The following HEATR1 variants were observed in gnomAD, a reference collection of about 807,000 sequenced individuals.
HEATR1 encodes the protein HEAT repeat containing 1, also known as HEAT repeat-containing protein 1.
HEATR1 carries 77 observed loss-of-function variants against 248.2 expected under a neutral mutation model. The observed-to-expected ratio is 0.31, with a 90% CI of 0.26 to 0.37. The LOEUF (loss-of-function observed/expected upper bound fraction) is 0.37, where lower values mean the gene tolerates loss of function less well. Among genes scored for constraint, HEATR1 ranks in the 10% least tolerant of loss-of-function variants. HEATR1 has a pLI of 1.00. For synonymous variants in HEATR1, 897 were observed against 923.1 expected (o/e 0.97, Z 0.51); for missense variants, 2,420 against 2,504.9 (o/e 0.97, Z 0.72).
At chr1:236,567,744 A>G (rs1389930076) in intron 29 of HEATR1, among the ~76,000 whole-genome samples, 1 of 152,204 alleles carries the variant, frequency 6.6e-6, no homozygotes, top group Non-Finnish European at 1.5e-5. Flanking sequence ...GTGTGAAAAG[A>G]TAACAGGAGG....
At chr1:236,585,623 GA>G (rs567907652) in intron 16 of HEATR1, among the ~76,000 whole-genome samples, 196 bp downstream of exon 16, 1 of 151,986 alleles carries the variant, frequency 6.6e-6, no homozygotes, top group East Asian at 1.9e-4. Flanking sequence ...GATCCACATT[GA>G]AAAAATATAT....
intron 28 of HEATR1, 28 bp downstream of exon 28, chr1:236,571,323 G>A (rs775563095): frequency 6.4e-7 from 1 of 1,565,886 alleles, no homozygotes; most frequent in East Asian, 2.3e-5. Context: ...TGAAATATCT[G>A]CTAAAATCTT....
chr1:236,555,780 T>G (rs1469180073), intron 39 of HEATR1, 25 bp downstream of exon 39: 2 of 1,613,956 alleles, frequency 1.2e-6, no homozygotes, highest in East Asian at 2.2e-5. Context: ...AGCTTTAGGA[T>G]TTGGAGGAGT....
intron 44 of HEATR1, 73 bp downstream of exon 44, chr1:236,551,926 T>C (rs1662765286): frequency 1.0e-6 from 1 of 969,222 alleles, no homozygotes; most frequent in South Asian, 1.4e-5. Context: ...GCATTATCAT[T>C]GGGCACATTT....
chr1:236,555,292 C>T lies in HEATR1; in HGVS notation c.5923+4G>A, dbSNP rs1662933865. 5.6e-6 allele frequency: 9 copies of T among 1,613,788 alleles called. No homozygotes were observed. The highest frequency in any genetic ancestry group is 6.8e-6 in the Non-Finnish European group (8 of 1,179,802). On this transcript the variant is annotated splice_donor_region_variant and intron_variant, in intron 41 of 44. Transcript: ENST00000366582. ...GTGACAGCTGAACTGAAGCGACCAC[C>T]CACCTGTTTTGGAGATGTTCACCTG...
At position 236,574,790 on chromosome 1, in the gene HEATR1, C is replaced by T. The variant is rs1231698396; in HGVS notation, c.3198G>A (p.Lys1066=). ...AAAGGGAAACTGAAAATTCATTATA[C>T]TTTCCCAGAGTGAGATGCAGAACCA... The part of the protein sequence containing the change: ...EAMVLHLTLG[K]YNEFSVSLLN... The change falls in exon 23 of 45, where the codon AAG becomes AAA. Residue 1066 remains lysine, a synonymous_variant. Coordinates refer to ENST00000366582, the MANE Select transcript of HEATR1 (RefSeq NM_018072.6). 5 of 1,613,998 alleles carry T rather than the reference C, an allele frequency of 3.1e-6. No individual in the cohort carries two copies. The highest frequency in any genetic ancestry group is 4.2e-6 in the Non-Finnish European group (5 of 1,179,884).
rs1200224208 is a variant in HEATR1 at position 236,592,545 on chromosome 1, G to A, written c.1282C>T (p.Leu428Phe). The change falls in exon 10 of 45, where the codon CTC (leucine) becomes TTC (phenylalanine). Residue 428 changes from leucine (L) to phenylalanine (F), a missense_variant. Transcript: ENST00000366582. ...TACTTGCTTTCTAAAAGCCTAATGA[G>A]TGGAAGAAATTGTTCATTAAGCAAA... Reference protein sequence around the residue: ...VSLLNEQFLPLIRLLESKYPR... With the variant: ...VSLLNEQFLPFIRLLESKYPR... 6.9e-7 allele frequency: 1 copy of A among 1,459,782 alleles called. No individual in the cohort carries two copies. The allele number at this position is 1,459,782 out of a possible 1,614,324, so 90.4% of individuals were successfully genotyped here.
At chr1:236,584,704 C>T (rs758395680) in intron 17 of HEATR1, among the ~76,000 whole-genome samples, 11 of 152,272 alleles carry the variant, frequency 7.2e-5, no homozygotes, top group Middle Eastern at 3.4e-3. Flanking sequence ...AGCACTAACA[C>T]ACCAAGTGAA....
At chr1:236,592,423 GTC>G (rs1664062794) in intron 10 of HEATR1, 98 bp downstream of exon 10, 2 of 659,934 alleles carry the variant, frequency 3.0e-6, no homozygotes, top group Admixed American at 2.9e-5. Context: ...AAAAAGGACA[GTC>G]TCTGTACAAT....
In HEATR1 at chr1:236,570,206, A is replaced by G. The variant is rs2794777; in HGVS notation, c.3949-1082T>C. 2.8e-3 allele frequency among the ~76,000 whole-genome samples: 432 copies of G among 152,302 alleles called. 3 individuals are homozygous for G. Among genetic ancestry groups the G allele is most frequent in the East Asian group, 0.014 (71 of 5,182 alleles). ...CGGGAGGCGGAGGCAGGAGAATGGC[A>G]TGAACCCAAGAGGCAGAGCTTGCAG... On this transcript the variant is annotated intron_variant, in intron 28 of 44. Transcript: ENST00000366582.
Position 236,594,038 on chromosome 1 carries a change from C to T in HEATR1, c.1167G>A (p.Lys389=). Residue 389 remains lysine, a synonymous_variant, in exon 9 of 45, where the codon AAG becomes AAA. Transcript: ENST00000366582. ...TAGCCAACAAATGGTCTAAGTTGTT[C>T]TTCAGTGATATTTTTGTAAGTATAG... ...LEAILTKISL[K]NNLDHLLASL... 1.3e-6 allele frequency: 2 copies of T among 1,597,394 alleles called. No individual in the cohort carries two copies.
chr1:236,555,609 C>T lies in HEATR1; in HGVS notation c.5696G>A (p.Cys1899Tyr). 3 of 1,614,252 alleles carry T rather than the reference C, an allele frequency of 1.9e-6. No individual in the cohort carries two copies. The highest frequency in any genetic ancestry group is 2.5e-6 in the Non-Finnish European group (3 of 1,180,048). Residue 1899 changes from cysteine to tyrosine, a missense_variant, in exon 40 of 45, where the codon TGT (cysteine) becomes TAT (tyrosine). Coordinates refer to ENST00000366582, the MANE Select transcript of HEATR1 (RefSeq NM_018072.6). ...VGKTENCIID[C>Y]LVAMVVKLSE... ...AAGTTTGACAACCATGGCTACTAGA[C>T]AGTCAATGATACAATTTTCCGTTTT...
intron 8 of HEATR1, 23 bp from the exon 9 acceptor site, chr1:236,594,137 T>C (rs772677981): frequency 6.9e-7 from 1 of 1,452,050 alleles, no homozygotes; most frequent in African/African-American, 1.4e-5. Context: ...AAATTAAAAT[T>C]GTGTTGGGAA....
In HEATR1 at chr1:236,583,030, G is replaced by A; in HGVS notation, c.2408C>T (p.Pro803Leu). 6.2e-7 allele frequency: 1 copy of A among 1,613,936 alleles called. No individual in the cohort carries two copies. The highest frequency in any genetic ancestry group is 8.5e-7 in the Non-Finnish European group (1 of 1,179,946). Residue 803 changes from proline (P) to leucine (L), a missense_variant, in exon 18 of 45, where the codon CCT becomes CTT. Transcript: ENST00000366582. ...LKKFIYALKA[P>L]KSFPKGDIWW... ...TATCTTACCTTTAGGAAAAGATTTA[G>A]GAGCTTTCAGTGCATAAATAAATTT...
rs2103115867 is a variant in HEATR1 at position 236,549,457 on chromosome 1, G to A, written c.*1445C>T. On this transcript the variant is annotated 3_prime_UTR_variant, in exon 45 of 45. Transcript: ENST00000366582. The stretch of plus-strand genomic sequence containing the variant: ...TGGGGCAGAACTCTGCCAGGATTTA[G>A]GAATATTTTCAGAACAGATTTTAGA... 1 of 154,130 alleles carries A rather than the reference G, an allele frequency of 6.5e-6. No individual in the cohort carries two copies. Among genetic ancestry groups the A allele is most frequent in the South Asian group, 2.1e-4 (1 of 4,848 alleles). The allele number at this position is 154,130 out of a possible 1,614,324, so 9.5% of individuals were successfully genotyped here. A position where few individuals can be genotyped will look rare whatever the true frequency, so the allele number is the denominator to read the frequency against.
At chr1:236,563,269 T>C (rs1270166657) in intron 32 of HEATR1, among the ~76,000 whole-genome samples, 1 of 152,044 alleles carries the variant, frequency 6.6e-6, no homozygotes, top group Non-Finnish European at 1.5e-5. Flanking sequence ...GAGGAGTTTT[T>C]TCCTTTTTTT....
At position 236,555,421 on chromosome 1, in the gene HEATR1, A is replaced by C; in HGVS notation, c.5798T>G (p.Leu1933Trp). 1 of 1,614,240 alleles carries C rather than the reference A, an allele frequency of 6.2e-7. No homozygotes were observed. Residue 1933 changes from leucine to tryptophan, a missense_variant, in exon 41 of 45, where the codon TTG becomes TGG. Transcript: ENST00000366582. ...AKTEDAPKDR[L>W]LTFYNLADCI... ...ATCTGCCAAGTTGTAAAATGTCAAC[A>C]ACCTGTCCTTTGGGGCATCTTCTGT...
chr1:236,577,014 A>G (rs980023613), intron 20 of HEATR1, 65 bp from the exon 21 acceptor site: 15 of 1,273,334 alleles, frequency 1.2e-5, no homozygotes, highest in African/African-American at 9.0e-5. Flanking sequence ...CAAAATTTAC[A>G]TAGTACCAAA....
intron 20 of HEATR1, among the ~76,000 whole-genome samples, chr1:236,580,691 A>G (rs1051617138): frequency 1.3e-5 from 2 of 151,524 alleles, no homozygotes; most frequent in African/African-American, 4.9e-5. Context: ...TAATTTTTGT[A>G]TTTTTTGTAG....
Sources: gnomAD v4.1 joint callset for allele counts (sites outside exome capture counted in the v4.1 genomes callset) on GRCh38, gnomAD v4.1.1 for gene constraint, MANE v1.5 for transcripts, NCBI Gene and HGNC (gene_info 2026-07-23, HGNC 2026-07-21) for gene names.